Variants in KRT7 observed in about 807,000 individuals in gnomAD.
KRT7 encodes the protein keratin 7, also known as keratin, type II cytoskeletal 7.
KRT7 carries 50 observed loss-of-function variants against 42.8 expected under a neutral mutation model. The observed-to-expected ratio is 1.17, with a 90% CI of 0.93 to 1.48. The LOEUF is 1.48. KRT7 is among the 40% of genes most tolerant of loss of function. The probability of loss-of-function intolerance (pLI) is 0.00; values close to 1 mark genes in which losing one functional copy is unlikely to be tolerated. For missense variants in KRT7, 588 were observed against 637.6 expected, an observed-to-expected ratio of 0.92 and a Z score of 0.84; for synonymous variants, 268 against 266.3, an observed-to-expected ratio of 1.01 and a Z score of -0.06.
intron 7 of KRT7, 43 bp from the exon 8 acceptor site, chr12:52,248,134 C>G: frequency 6.3e-7 from 1 of 1,598,786 alleles, no homozygotes; most frequent in South Asian, 1.1e-5. Flanking sequence ...TTCCCTCCCA[C>G]GCTAGGAAAG....
intron 2 of KRT7, among the ~76,000 whole-genome samples, chr12:52,237,119 C>A (rs1942021749): frequency 1.3e-5 from 2 of 152,214 alleles, no homozygotes; most frequent in Admixed American, 1.3e-4. Flanking sequence ...TCTCTGATAA[C>A]CACAGTACCA....
chr12:52,237,722 G>T, intron 3 of KRT7, 153 bp downstream of exon 3: 1 of 529,998 alleles, frequency 1.9e-6, no homozygotes. Flanking sequence ...CTGTGGGTGC[G>T]TGTATGTGTG....
At position 52,248,201 on chromosome 12, in the gene KRT7, C is replaced by T. The variant is rs756240277; in HGVS notation, c.1230C>T (p.Ala410=). ...GGTTGGCTGGAGATGGAGTGGGAGC[C>T]GTGAATATCTGTAAGTCCTTGGCTG... ...ESRLAGDGVG[A]VNISVMNSTG... Residue 410 remains alanine, a synonymous_variant, in exon 8 of 9, where the codon GCC becomes GCT. Coordinates refer to ENST00000331817, the MANE Select transcript of KRT7 (RefSeq NM_005556.4). The T allele has an allele frequency of 1.9e-5, 31 of 1,613,948 alleles. No individual in the cohort carries two copies. Among genetic ancestry groups the T allele is most frequent in the Middle Eastern group, 1.6e-4 (1 of 6,084 alleles).
Position 52,238,613 on chromosome 12 carries a change from C to T in KRT7, c.598-67C>T, listed in dbSNP as rs1052273472. On this transcript the variant is annotated intron_variant, in intron 3 of 8. Transcript: ENST00000331817. ...GTTGGACAGGGCAGGCCTGCTTCCACCCCTACTAAATGTTCCCTGTACTGA... is the reference window on the plus strand; with the variant it reads ...GTTGGACAGGGCAGGCCTGCTTCCATCCCTACTAAATGTTCCCTGTACTGA... 8 of 960,882 alleles carry T rather than the reference C, an allele frequency of 8.3e-6. No individual in the cohort carries two copies. The African/African-American group carries it at 9.6e-5, about 12-fold the overall frequency. The allele number at this position is 960,882 out of a possible 1,614,324, so 59.5% of individuals were successfully genotyped here. A position where few individuals can be genotyped will look rare whatever the true frequency, so the allele number is the denominator to read the frequency against.
At chr12:52,253,514 A>C (rs555134224), downstream of KRT7, 3 of 1,579,052 alleles carry the variant, frequency 1.9e-6, no homozygotes, top group African/African-American at 2.7e-5. Context: ...TAGGGACCAG[A>C]ATCCCCAGAA....
chr12:52,248,575 C>G lies in KRT7; in HGVS notation c.1241-16C>G, dbSNP rs1487210519. On this transcript the variant is annotated splice_polypyrimidine_tract_variant and intron_variant, in intron 8 of 8. Transcript: ENST00000331817. Reference sequence around the variant, plus strand: ...GAGCCTCACGCTGAAGAGAGCCCTCCTCTTTTCTCTCCCAGCTGTGATGAA... The same window carrying G: ...GAGCCTCACGCTGAAGAGAGCCCTCGTCTTTTCTCTCCCAGCTGTGATGAA... The G allele has an allele frequency of 6.4e-7, 1 of 1,560,384 alleles. No individual in the cohort carries two copies. Among genetic ancestry groups the G allele is most frequent in the African/African-American group, 1.4e-5 (1 of 73,274 alleles).
chr12:52,244,617 A>G, intron 6 of KRT7: 8 of 985,872 alleles, frequency 8.1e-6, no homozygotes, highest in Non-Finnish European at 9.6e-6. Context: ...GGCCGGTAAG[A>G]AGGGAGAGAA....
chr12:52,243,320 AT>A (rs1161482130), intron 6 of KRT7, 183 bp downstream of exon 6: 1 of 686,068 alleles, frequency 1.5e-6, no homozygotes, highest in Non-Finnish European at 2.3e-6. Context: ...GCATGGGCTG[AT>A]GGGAGAAAGG....
chr12:52,252,410 G>A (rs765641935), downstream of KRT7: 6 of 1,614,154 alleles, frequency 3.7e-6, no homozygotes, highest in Non-Finnish European at 5.1e-6. Context: ...CGGCCAGCTT[G>A]CAGCGGGCAT....
downstream of KRT7, chr12:52,252,185 G>A (rs1419859657): frequency 2.6e-6 from 4 of 1,532,524 alleles, no homozygotes; most frequent in African/African-American, 1.4e-5. Context: ...ATGCAGACAT[G>A]CTCCTGGGTG....
intron 2 of KRT7, 137 bp downstream of exon 2, chr12:52,235,503 C>T (rs889075394): frequency 2.9e-6 from 2 of 684,792 alleles, no homozygotes; most frequent in African/African-American, 3.6e-5. Flanking sequence ...AGGGGCCAGT[C>T]TTGACCAACA....
At chr12:52,237,653 TG>T in intron 3 of KRT7, 84 bp downstream of exon 3, 1 of 1,185,254 alleles carries the variant, frequency 8.4e-7, no homozygotes, top group South Asian at 1.4e-5. Context: ...GAGCAGCCCA[TG>T]GGGACCTCTG....
intron 7 of KRT7, chr12:52,247,653 G>T (rs1942194701): frequency 6.4e-6 from 1 of 157,034 alleles, no homozygotes; most frequent in Non-Finnish European, 1.4e-5. Context: ...TCCTTCCTTA[G>T]TCCTGGCTGG....
downstream of KRT7, chr12:52,253,124 C>T: frequency 1.6e-6 from 2 of 1,235,860 alleles, no homozygotes; most frequent in Non-Finnish European, 2.4e-6. Flanking sequence ...CTTGTCCCCA[C>T]ACACTGGCAA....
At chr12:52,253,075 C>T (rs1942290558), downstream of KRT7, 1 of 818,946 alleles carries the variant, frequency 1.2e-6, no homozygotes. Context: ...GAACGTTTTC[C>T]ATGGAGGAGG....
chr12:52,238,826 G>GAT, intron 4 of KRT7, 51 bp downstream of exon 4: 2 of 1,197,132 alleles, frequency 1.7e-6, no homozygotes, highest in Non-Finnish European at 2.5e-6. Context: ...ATTCTAACCA[G>GAT]GGAGCCATCT....
intron 1 of KRT7, 96 bp from the exon 2 acceptor site, chr12:52,235,059 T>A: frequency 8.6e-7 from 1 of 1,164,716 alleles, no homozygotes; most frequent in South Asian, 1.4e-5. Context: ...AGGGGGAGCA[T>A]GGCTCTGCTA....
At chr12:52,252,688 C>G (rs1279113607), downstream of KRT7, among the ~76,000 whole-genome samples, 2 of 152,216 alleles carry the variant, frequency 1.3e-5, no homozygotes, top group African/African-American at 4.8e-5. Flanking sequence ...TGGCTTCTTT[C>G]AAAAGATCAG....
In KRT7 at chr12:52,233,603, G is replaced by T. The variant is rs141305516; in HGVS notation, c.307G>T (p.Ala103Ser). Residue 103 changes from alanine (A) to serine (S), a missense_variant, in exon 1 of 9, where the codon GCC (alanine) becomes TCC (serine). Physicochemically the swap from Ala to Ser is moderately conservative, Grantham distance 99. Coordinates refer to ENST00000331817, the MANE Select transcript of KRT7 (RefSeq NM_005556.4). ...EQIKTLNNKF[A>S]SFIDKVRFLE... is the part of the protein sequence containing the mutation. ...GATCAAGACCCTCAACAACAAGTTTGCCTCCTTCATCGACAAGGTGAGCGG... is the reference window on the plus strand; with the variant it reads ...GATCAAGACCCTCAACAACAAGTTTTCCTCCTTCATCGACAAGGTGAGCGG... 1.9e-6 allele frequency: 3 copies of T among 1,612,690 alleles called. No individual in the cohort carries two copies. In the African/African-American group the frequency reaches 4.0e-5, roughly 22 times the overall value.
Sources: gnomAD v4.1 joint callset for allele counts (sites outside exome capture counted in the v4.1 genomes callset) on GRCh38, gnomAD v4.1.1 for gene constraint, MANE v1.5 for transcripts, NCBI Gene and HGNC (gene_info 2026-07-23, HGNC 2026-07-21) for gene names.